Variants in BMPR1A observed in about 807,000 individuals in gnomAD.
BMPR1A encodes the protein bone morphogenetic protein receptor type 1A, also known as bone morphogenetic protein receptor type-1A.
A neutral mutation model predicts 66.0 loss-of-function variants in BMPR1A; 7 were observed. The observed-to-expected ratio is 0.11, with a 90% CI of 0.06 to 0.20. The LOEUF is 0.20. Among genes scored for constraint, BMPR1A ranks in the 10% least tolerant of loss-of-function variants. The pLI, the probability that BMPR1A is intolerant of heterozygous loss-of-function variation, is 1.00. For missense variants in BMPR1A, 408 were observed against 669.1 expected (o/e 0.61, Z 4.31); for synonymous variants, 200 against 229.7 (o/e 0.87, Z 1.17).
chr10:86,773,946 G>A (rs548318662), intron 1 of BMPR1A, among the ~76,000 whole-genome samples: 1 of 151,730 alleles, frequency 6.6e-6, no homozygotes, highest in South Asian at 2.1e-4. Context: ...TGCCTCCTGG[G>A]TTCAAGCGAT....
intron 1 of BMPR1A, among the ~76,000 whole-genome samples, chr10:86,799,791 A>G (rs556002668): frequency 6.6e-6 from 1 of 151,866 alleles, no homozygotes; most frequent in Admixed American, 6.6e-5. Flanking sequence ...ACCCACTTCG[A>G]CCTCCCAGCG....
chr10:86,855,707 T>C, intron 2 of BMPR1A: 1 of 761,546 alleles, frequency 1.3e-6, no homozygotes, highest in South Asian at 1.7e-5. Context: ...TACTGTCTGT[T>C]CTTTGTGTTT....
chr10:86,893,558 G>A (rs1843183150), intron 5 of BMPR1A, among the ~76,000 whole-genome samples: 1 of 152,194 alleles, frequency 6.6e-6, no homozygotes, highest in African/African-American at 2.4e-5. Context: ...GGGAAGCCGA[G>A]GCGGGTGGAT....
At chr10:86,861,458 C>T (rs1364174906) in intron 2 of BMPR1A, among the ~76,000 whole-genome samples, 1 of 152,188 alleles carries the variant, frequency 6.6e-6, no homozygotes, top group Non-Finnish European at 1.5e-5. Context: ...ATTTTACGTA[C>T]ACATACTACC....
intron 5 of BMPR1A, among the ~76,000 whole-genome samples, chr10:86,893,811 C>A (rs910743500): frequency 6.6e-6 from 1 of 151,616 alleles, no homozygotes; most frequent in Non-Finnish European, 1.5e-5. Context: ...AAAAGAAATT[C>A]TCAGGATGGA....
chr10:86,848,019 C>T (rs571886193), intron 2 of BMPR1A, among the ~76,000 whole-genome samples: 81 of 151,966 alleles, frequency 5.3e-4, no homozygotes, highest in Non-Finnish European at 7.4e-5. Flanking sequence ...GCACCCTTCG[C>T]CCCCCGGGTT....
At chr10:86,896,252 C>G (rs1843222909) in intron 5 of BMPR1A, among the ~76,000 whole-genome samples, 1 of 150,978 alleles carries the variant, frequency 6.6e-6, no homozygotes, top group Non-Finnish European at 1.5e-5. Flanking sequence ...CAACTCCACT[C>G]TAGTGTGCGG....
chr10:86,838,268 A>G (rs1297313790), intron 1 of BMPR1A, among the ~76,000 whole-genome samples: 3 of 152,192 alleles, frequency 2.0e-5, no homozygotes, highest in African/African-American at 4.8e-5. Flanking sequence ...TAATAGTTCT[A>G]TCTTTTAGAT....
intron 1 of BMPR1A, among the ~76,000 whole-genome samples, chr10:86,821,277 A>G (rs1330863631): frequency 1.2e-4 from 18 of 152,206 alleles, no homozygotes; most frequent in Non-Finnish European, 2.9e-5. Flanking sequence ...TAGTTATAAC[A>G]TTCTTACTAA....
intron 2 of BMPR1A, among the ~76,000 whole-genome samples, chr10:86,860,167 A>C (rs1842694209): frequency 6.6e-6 from 1 of 152,210 alleles, no homozygotes; most frequent in Non-Finnish European, 1.5e-5. Flanking sequence ...GAAAATGTTC[A>C]TCAACGAGAA....
intron 1 of BMPR1A, among the ~76,000 whole-genome samples, chr10:86,767,443 C>T (rs960117952): frequency 3.9e-5 from 6 of 152,142 alleles, no homozygotes; most frequent in Middle Eastern, 3.4e-3. Context: ...CTTTGGGTGG[C>T]GGAGGCAGGA....
In BMPR1A at chr10:86,858,118, TATTA is replaced by T. The variant is rs368323314; in HGVS notation, c.-152-17745_-152-17742del. 1.2e-4 allele frequency among the ~76,000 whole-genome samples: 18 copies of T among 152,336 alleles called. No individual in the cohort carries two copies. In the East Asian group the frequency reaches 1.4e-3, roughly 11 times the overall value. On this transcript the variant is annotated intron_variant, in intron 2 of 12. Coordinates refer to ENST00000372037, the MANE Select transcript of BMPR1A (RefSeq NM_004329.3). Reference sequence around the variant, plus strand: ...TTCTTAATATGAATTAGTATTAATTTATTAATTCATTTGCACATTTTGAAGGAGA... The same window carrying T: ...TTCTTAATATGAATTAGTATTAATTTATTCATTTGCACATTTTGAAGGAGA...
Position 86,912,181 on chromosome 10 carries a change from T to C in BMPR1A, c.531-59T>C, listed in dbSNP as rs118172017. ...AATGGTATAGAGAACCTCAAGGTTT[T>C]TCTTAGGGTTTTATAGTTTTTCATT... On this transcript the variant is annotated intron_variant, in intron 7 of 12. Transcript: ENST00000372037. 5.2e-3 allele frequency: 8,291 copies of C among 1,584,138 alleles called. 32 individuals are homozygous for C. Among genetic ancestry groups the C allele is most frequent in the Non-Finnish European group, 6.8e-3 (7,827 of 1,158,554 alleles).
chr10:86,875,060 G>A (rs2133315024), intron 2 of BMPR1A, among the ~76,000 whole-genome samples: 1 of 151,592 alleles, frequency 6.6e-6, no homozygotes, highest in Admixed American at 6.6e-5. Flanking sequence ...TAATGATGAA[G>A]CACCCTCTTT....
chr10:86,887,547 G>A (rs1019011372), intron 3 of BMPR1A, among the ~76,000 whole-genome samples: 2 of 152,112 alleles, frequency 1.3e-5, no homozygotes, highest in Non-Finnish European at 2.9e-5. Flanking sequence ...GAATTAGGCA[G>A]GAATTATTAT....
intron 2 of BMPR1A, chr10:86,856,173 C>A: frequency 1.9e-6 from 1 of 527,956 alleles, no homozygotes. Context: ...AGGATAACCA[C>A]AGAGTTTGAC....
intron 7 of BMPR1A, among the ~76,000 whole-genome samples, chr10:86,903,497 A>G (rs1323295380): frequency 1.3e-5 from 2 of 152,042 alleles, no homozygotes; most frequent in Non-Finnish European, 2.9e-5. Flanking sequence ...GGACAACTTC[A>G]GATGGCCTAA....
intron 1 of BMPR1A, among the ~76,000 whole-genome samples, chr10:86,779,043 C>T (rs1386318783): frequency 6.6e-6 from 1 of 151,154 alleles, no homozygotes; most frequent in Non-Finnish European, 1.5e-5. Context: ...GCTGGGATTA[C>T]AGGCATCAGT....
At chr10:86,900,511 C>G (rs1293361285) in intron 7 of BMPR1A, among the ~76,000 whole-genome samples, 2 of 150,302 alleles carry the variant, frequency 1.3e-5, no homozygotes, top group Non-Finnish European at 3.0e-5. Context: ...AAGACAGTTG[C>G]CAAAAAAGAA....
Sources: gnomAD v4.1 joint callset for allele counts (sites outside exome capture counted in the v4.1 genomes callset) on GRCh38, gnomAD v4.1.1 for gene constraint, MANE v1.5 for transcripts, NCBI Gene and HGNC (gene_info 2026-07-23, HGNC 2026-07-21) for gene names.